The following PCDHA4 variants were observed in gnomAD, a reference collection of about 807,000 sequenced individuals.
PCDHA4 encodes the protein protocadherin alpha 4.
In PCDHA4, 49 loss-of-function variants were observed where a neutral mutation model predicts 61.4. That is an observed-to-expected ratio of 0.80 (90% confidence interval 0.63 to 1.01). The LOEUF (loss-of-function observed/expected upper bound fraction) is 1.01. PCDHA4 is among the 50% of genes least tolerant of loss of function. The probability of loss-of-function intolerance (pLI) is 0.00; values close to 1 mark genes in which losing one functional copy is unlikely to be tolerated. For missense variants in PCDHA4, 1,254 were observed against 1,235.8 expected (o/e 1.01, Z -0.22); for synonymous variants, 590 against 550.3 (o/e 1.07, Z -1.01).
At chr5:140,870,929 A>C in intron 1 of PCDHA4, 3 of 1,613,868 alleles carry the variant, frequency 1.9e-6, no homozygotes, top group Non-Finnish European at 2.5e-6. Context: ...CTTTCATATG[A>C]ATTGCAGCCG....
intron 3 of PCDHA4, among the ~76,000 whole-genome samples, chr5:140,992,501 A>G (rs1437736734): frequency 6.6e-6 from 1 of 152,206 alleles, no homozygotes. Context: ...TAAGGATTCA[A>G]TCCTGGGGCA....
chr5:140,878,027 G>C, intron 1 of PCDHA4: 1 of 699,256 alleles, frequency 1.4e-6, no homozygotes, highest in Non-Finnish European at 2.1e-6. Flanking sequence ...GAAATATGTA[G>C]GTACAATGGA....
At chr5:140,857,947 G>T (rs782434773) in intron 1 of PCDHA4, 1 of 1,597,414 alleles carries the variant, frequency 6.3e-7, no homozygotes, top group East Asian at 2.2e-5. Flanking sequence ...TCAGTACGAC[G>T]CGCGCTCTGG....
chr5:140,988,516 G>A (rs1226381986), intron 3 of PCDHA4, among the ~76,000 whole-genome samples: 1 of 152,156 alleles, frequency 6.6e-6, no homozygotes, highest in African/African-American at 2.4e-5. Flanking sequence ...GCTTACTTAA[G>A]TCTCTGCTGG....
At chr5:140,914,228 C>T (rs2076644066) in intron 1 of PCDHA4, among the ~76,000 whole-genome samples, 1 of 152,084 alleles carries the variant, frequency 6.6e-6, no homozygotes, top group Admixed American at 6.6e-5. Flanking sequence ...AGCTCTAATA[C>T]TATTTGCTTT....
At chr5:140,939,629 A>G (rs1250529725) in intron 1 of PCDHA4, among the ~76,000 whole-genome samples, 5 of 152,248 alleles carry the variant, frequency 3.3e-5, no homozygotes, top group African/African-American at 1.2e-4. Context: ...AAGAAAATCA[A>G]TAAGGGTACT....
intron 1 of PCDHA4, among the ~76,000 whole-genome samples, chr5:140,898,811 C>T (rs1277456601): frequency 6.6e-6 from 1 of 152,190 alleles, no homozygotes; most frequent in Non-Finnish European, 1.5e-5. Context: ...ACTGATTCTT[C>T]CTACCCATGA....
At chr5:140,844,475 T>C (rs1474799888) in intron 1 of PCDHA4, among the ~76,000 whole-genome samples, 1 of 148,876 alleles carries the variant, frequency 6.7e-6, no homozygotes. Flanking sequence ...TTTTTGAGCC[T>C]CTATGTTTAG....
At chr5:140,982,585 A>G (rs782780327) in intron 3 of PCDHA4, 22 bp downstream of exon 3, 1 of 1,611,974 alleles carries the variant, frequency 6.2e-7, no homozygotes, top group Non-Finnish European at 8.5e-7. Context: ...GGGTCTCTCC[A>G]TTCTTTCTTG....
At chr5:140,843,659 C>A in intron 1 of PCDHA4, 1 of 1,594,466 alleles carries the variant, frequency 6.3e-7, no homozygotes, top group Non-Finnish European at 8.6e-7. Context: ...TCCTCCTGAT[C>A]TGGGATCAGT....
chr5:140,955,006 C>T (rs1304080416), intron 1 of PCDHA4, among the ~76,000 whole-genome samples: 1 of 152,154 alleles, frequency 6.6e-6, no homozygotes, highest in African/African-American at 2.4e-5. Flanking sequence ...AGCCAATTCT[C>T]CCAGCACCAT....
At chr5:140,882,868 G>T in intron 1 of PCDHA4, 1 of 1,614,184 alleles carries the variant, frequency 6.2e-7, no homozygotes, top group Non-Finnish European at 8.5e-7. Context: ...GGAAAACACT[G>T]GACAGAGAGG....
rs373471484 is a variant in PCDHA4, at chr5:140,997,017, TA to T, written c.2534-12609del. 5.1e-4 allele frequency among the ~76,000 whole-genome samples: 78 copies of T among 152,304 alleles called. No individual in the cohort carries two copies. The South Asian group carries it at 0.011, about 21-fold the overall frequency. ...TAACAATTTTGTGTGTATCCTCCAA[TA>T]TTTTTTTGAAATTAATGAACTTTAC... On this transcript the variant is annotated intron_variant, in intron 3 of 3. Transcript: ENST00000530339.
intron 1 of PCDHA4, chr5:140,837,027 GTATTTACAAAATCAAA>G (rs1484122641): frequency 1.7e-5 from 4 of 237,742 alleles, no homozygotes; most frequent in African/African-American, 9.1e-5. Context: ...CTTCTATAGT[GTATTTACAAAATCAAA>G]TATTTACATT....
chr5:140,971,698 A>G (rs969936167), intron 1 of PCDHA4, among the ~76,000 whole-genome samples: 16 of 151,980 alleles, frequency 1.1e-4, no homozygotes, highest in Non-Finnish European at 2.2e-4. Context: ...CTCACTAACC[A>G]CCCTGCTATA....
At chr5:140,895,072 A>G (rs974661383) in intron 1 of PCDHA4, among the ~76,000 whole-genome samples, 1 of 152,090 alleles carries the variant, frequency 6.6e-6, no homozygotes, top group Admixed American at 6.5e-5. Flanking sequence ...CTCAATTCCT[A>G]TCAGTTCCTC....
In PCDHA4 at chr5:141,011,794, G is replaced by A. The variant is rs782200485; in HGVS notation, c.*1857G>A. 2 of 153,664 alleles carry A rather than the reference G, an allele frequency of 1.3e-5. No individual in the cohort carries two copies. The highest frequency in any genetic ancestry group is 2.9e-5 in the Non-Finnish European group (2 of 68,028). The allele number at this position is 153,664 out of a possible 1,614,324, so 9.5% of individuals were successfully genotyped here. ...ATGCTTTGAAATTCTAATGGTATCT[G>A]AAATATCAGCTCATAGAAAGTAACA... On this transcript the variant is annotated 3_prime_UTR_variant, in exon 4 of 4. Coordinates refer to ENST00000530339, the MANE Select transcript of PCDHA4 (RefSeq NM_018907.4).
chr5:140,868,001 TG>T (rs1353110164), intron 1 of PCDHA4: 4 of 152,120 alleles, frequency 2.6e-5, no homozygotes, highest in Non-Finnish European at 5.9e-5. Context: ...TGAATATAAC[TG>T]AATTAGATTA....
chr5:140,961,639 G>A (rs2095626284), intron 1 of PCDHA4, among the ~76,000 whole-genome samples: 1 of 152,144 alleles, frequency 6.6e-6, no homozygotes, highest in East Asian at 1.9e-4. Flanking sequence ...ACAATCTTAA[G>A]TCTATGTGGT....
Sources: gnomAD v4.1 joint callset for allele counts (sites outside exome capture counted in the v4.1 genomes callset) on GRCh38, gnomAD v4.1.1 for gene constraint, MANE v1.5 for transcripts, NCBI Gene and HGNC (gene_info 2026-07-23, HGNC 2026-07-21) for gene names.